USP35: variants seen among roughly 807,000 people sequenced by gnomAD.
USP35 encodes ubiquitin carboxyl-terminal hydrolase 35.
A neutral mutation model predicts 83.8 loss-of-function variants in USP35; 69 were observed. That is an observed-to-expected ratio of 0.82 (90% CI 0.68 to 1.01). USP35 has a LOEUF of 1.01. Among genes scored for constraint, USP35 ranks in the 50% least tolerant of loss-of-function variants. The pLI is 0.00. For synonymous variants in USP35, 714 were observed against 589.5 expected (o/e 1.21, Z -3.06); for missense variants, 1,503 against 1,362.5 (o/e 1.10, Z -1.62).
chr11:78,190,545 G>A (rs924137095), intron 1 of USP35, among the ~76,000 whole-genome samples: 1 of 152,204 alleles, frequency 6.6e-6, no homozygotes, highest in South Asian at 2.1e-4. Flanking sequence ...GGACACCTCA[G>A]TCCTTGGTTC....
At chr11:78,221,967 A>C in the USP35 span, 2 of 711,772 alleles carry the variant, frequency 2.8e-6, no homozygotes, top group Non-Finnish European at 5.1e-6. Flanking sequence ...ACCAAGCCAC[A>C]AGACATCGAG....
the USP35 span, among the ~76,000 whole-genome samples, chr11:78,224,506 G>C: frequency 4.5e-3 from 692 of 152,304 alleles, 4 homozygotes; most frequent in African/African-American, 0.016. Flanking sequence ...CTACAGAGTT[G>C]TGTGATACAG....
intron 1 of USP35, among the ~76,000 whole-genome samples, chr11:78,192,620 C>T (rs1032250322): frequency 9.2e-5 from 14 of 152,198 alleles, no homozygotes; most frequent in African/African-American, 2.9e-4. Flanking sequence ...GGCCAGGCTA[C>T]GGACTGAGCA....
At chr11:78,215,775 C>CA (rs972377122), downstream of USP35, 2 of 152,646 alleles carry the variant, frequency 1.3e-5, no homozygotes, top group African/African-American at 4.8e-5. Context: ...GACGACCCCC[C>CA]ACGGAAGGGC....
chr11:78,202,237 C>T (rs568602278), intron 6 of USP35, among the ~76,000 whole-genome samples: 2 of 152,268 alleles, frequency 1.3e-5, no homozygotes, highest in African/African-American at 4.8e-5. Flanking sequence ...GGAGTTAGCA[C>T]TAAGAAGCCG....
downstream of USP35, chr11:78,219,209 A>T: frequency 6.7e-7 from 1 of 1,487,710 alleles, no homozygotes; most frequent in Non-Finnish European, 9.3e-7. Context: ...GAGAGGGGAG[A>T]GGGGAGATGG....
chr11:78,213,762 C>A lies in USP35; in HGVS notation c.3006C>A (p.Gly1002=). 2 of 1,546,348 alleles carry A rather than the reference C, an allele frequency of 1.3e-6. No individual in the cohort carries two copies. Among genetic ancestry groups the A allele is most frequent in the East Asian group, 5.1e-5 (2 of 39,044 alleles). ...ATGAGGATGAAGGCTCTCCAGGGGG[C>A]TGCAATCCTGCAGGTGGCAATGGTG... ...DKDEDEGSPG[G]CNPAGGNGGD... The change falls in exon 11 of 11, where the codon GGC becomes GGA. Residue 1002 remains glycine (G), a synonymous_variant. Transcript: ENST00000529308.
the USP35 span, chr11:78,222,051 C>A: frequency 1.7e-6 from 2 of 1,153,346 alleles, no homozygotes; most frequent in South Asian, 2.4e-5. Context: ...CCACATCACT[C>A]ATTTTCCCTA....
intron 3 of USP35, 161 bp from the exon 4 acceptor site, chr11:78,199,433 AT>A: frequency 9.2e-7 from 1 of 1,089,582 alleles, no homozygotes; most frequent in Non-Finnish European, 1.3e-6. Context: ...GGGCTTGTGC[AT>A]TTCCCAGCCA....
rs201896294 is a variant in USP35, at chr11:78,208,840, C to G, written c.1486-17C>G. ...GCCTCCTGCTCCTGACCATGCCTTT[C>G]GCCTGCCTTGTCCTAGCGGCCTGCC... On this transcript the variant is annotated splice_polypyrimidine_tract_variant and intron_variant, in intron 8 of 10. Coordinates refer to ENST00000529308, the MANE Select transcript of USP35 (RefSeq NM_020798.4). 1 of 1,613,808 alleles carries G rather than the reference C, an allele frequency of 6.2e-7. No homozygotes were observed. Among genetic ancestry groups the G allele is most frequent in the Non-Finnish European group, 8.5e-7 (1 of 1,179,844 alleles).
chr11:78,196,634 G>A lies in USP35; in HGVS notation c.389G>A (p.Arg130His), dbSNP rs1469684138. The part of the protein sequence containing the change: ...VFALLRREVL[R>H]TVCERPGPAA... ...GCGCTGCTGCGGCGCGAGGTGCTGC[G>A]CACCGTGTGCGAGCGCCCGGGCCCC... The change falls in exon 2 of 11, where the codon CGC (arginine) becomes CAC (histidine). Residue 130 changes from arginine (R) to histidine (H), a missense_variant. Physicochemically the swap from Arg to His is conservative, Grantham distance 29. Transcript: ENST00000529308. The surrounding 1 kb of genome is among the most constrained non-coding windows in gnomAD (Gnocchi z 4.8). 2 of 1,362,412 alleles carry A rather than the reference G, an allele frequency of 1.5e-6. No individual in the cohort carries two copies. Among genetic ancestry groups the A allele is most frequent in the Non-Finnish European group, 9.4e-7 (1 of 1,065,982 alleles). The allele number at this position is 1,362,412 out of a possible 1,614,324, so 84.4% of individuals were successfully genotyped here. A position where few individuals can be genotyped will look rare whatever the true frequency, so the allele number is the denominator to read the frequency against.
the USP35 span, among the ~76,000 whole-genome samples, chr11:78,225,863 C>T: frequency 1.3e-5 from 2 of 152,130 alleles, no homozygotes; most frequent in African/African-American, 2.4e-5. Context: ...GCTTTGCAAA[C>T]CATAAAGCAA....
At chr11:78,201,730 G>A (rs536859266) in intron 6 of USP35, among the ~76,000 whole-genome samples, 20 of 152,082 alleles carry the variant, frequency 1.3e-4, no homozygotes, top group Non-Finnish European at 2.2e-4. Flanking sequence ...AAGATGATAC[G>A]GTTCATTTCA....
At chr11:78,232,669 G>A in the USP35 span, among the ~76,000 whole-genome samples, 3 of 152,146 alleles carry the variant, frequency 2.0e-5, no homozygotes, top group African/African-American at 7.2e-5. Context: ...TAAAAGTGAT[G>A]ATAAATACAT....
At chr11:78,234,476 T>G in the USP35 span, among the ~76,000 whole-genome samples, 1 of 151,918 alleles carries the variant, frequency 6.6e-6, no homozygotes, top group African/African-American at 2.4e-5. Context: ...CTGTTCTTTT[T>G]TTATTATTCC....
chr11:78,232,819 T>C, the USP35 span, among the ~76,000 whole-genome samples: 13 of 152,308 alleles, frequency 8.5e-5, no homozygotes, highest in South Asian at 4.1e-4. Context: ...GTCTAGTCTA[T>C]GCGAGGCAGG....
the USP35 span, among the ~76,000 whole-genome samples, chr11:78,227,905 GA>G: frequency 6.6e-6 from 1 of 152,162 alleles, no homozygotes; most frequent in East Asian, 1.9e-4. Context: ...ATTTTGAGGG[GA>G]AAGATCTCTT....
At chr11:78,232,592 TGAA>T in the USP35 span, among the ~76,000 whole-genome samples, 26 of 152,326 alleles carry the variant, frequency 1.7e-4, no homozygotes, top group South Asian at 1.7e-3. Context: ...TTTTGAGAAA[TGAA>T]GTTATTTTAG....
chr11:78,199,567 C>T, intron 3 of USP35, 28 bp from the exon 4 acceptor site: 2 of 1,613,966 alleles, frequency 1.2e-6, no homozygotes, highest in Non-Finnish European at 8.5e-7. Flanking sequence ...GTCCCTTGTC[C>T]CTGTGTCACT....
Sources: allele counts gnomAD v4.1 joint callset (sites outside exome capture counted in the v4.1 genomes callset), GRCh38; gene constraint gnomAD v4.1.1; non-coding constraint Gnocchi (gnomAD v3.1); transcripts MANE v1.5; gene names NCBI Gene and HGNC (gene_info 2026-07-23, HGNC 2026-07-21).